The following PCDH15 variants were observed in gnomAD, a reference collection of about 807,000 sequenced individuals.
PCDH15 encodes the protein protocadherin related 15.
Under a neutral mutation model 178.5 loss-of-function variants are expected in PCDH15, and 129 were observed. That is an observed-to-expected ratio of 0.72 (90% confidence interval 0.63 to 0.84). The LOEUF (loss-of-function observed/expected upper bound fraction) is 0.84, where lower values mean the gene tolerates loss of function less well. Ranked by LOEUF, PCDH15 falls within the 40% of genes least tolerant of loss-of-function variation. The pLI is 0.00. For missense variants in PCDH15, 2,230 were observed against 2,099.9 expected (o/e 1.06, Z -1.21); for synonymous variants, 800 against 732.0 (o/e 1.09, Z -1.50).
intron 21 of PCDH15, among the ~76,000 whole-genome samples, chr10:53,974,128 G>A (rs553057930): frequency 3.3e-5 from 5 of 151,966 alleles, no homozygotes; most frequent in African/African-American, 9.7e-5. Context: ...AATGATTCTC[G>A]TTCCTTAGCC....
chr10:55,486,896 C>G (rs1274059664), intron 2 of PCDH15, among the ~76,000 whole-genome samples: 2 of 151,532 alleles, frequency 1.3e-5, no homozygotes, highest in African/African-American at 4.8e-5. Context: ...TACTATGTAT[C>G]AAGAACCAAT....
chr10:53,882,653 G>A (rs777537267), intron 26 of PCDH15, among the ~76,000 whole-genome samples: 7 of 152,082 alleles, frequency 4.6e-5, no homozygotes, highest in Non-Finnish European at 8.8e-5. Context: ...GTGAGCCACC[G>A]TGCCTGACCC....
At chr10:54,938,089 A>G (rs938661714) in intron 2 of PCDH15, among the ~76,000 whole-genome samples, 1 of 152,060 alleles carries the variant, frequency 6.6e-6, no homozygotes, top group African/African-American at 2.4e-5. Flanking sequence ...TGCTTCATCT[A>G]TTAAGATGGT....
chr10:55,583,965 C>T (rs892450327), intron 2 of PCDH15, among the ~76,000 whole-genome samples: 5 of 152,024 alleles, frequency 3.3e-5, no homozygotes, highest in Non-Finnish European at 7.4e-5. Context: ...GCAGCCTCCA[C>T]CTCCCAGGCT....
intron 2 of PCDH15, among the ~76,000 whole-genome samples, chr10:54,638,265 T>A (rs1390337853): frequency 6.6e-6 from 1 of 152,240 alleles, no homozygotes; most frequent in Admixed American, 6.6e-5. Flanking sequence ...AGAGAAAGTA[T>A]GTATTTTACC....
rs1013891999 is a variant in PCDH15, at chr10:55,541,362, A to AT, written c.-156+86262dup. On this transcript the variant is annotated intron_variant, in intron 2 of 5. Transcript: ENST00000613346. ...TTATACCCAGTACTCTTATAATCAT[A>AT]TTAAAACTTTTCTTAATGAAGAAAG... Among the ~76,000 whole-genome samples the AT allele has an allele frequency of 4.8e-4, 73 of 151,968 alleles. 1 individual carries two copies. The highest frequency in any genetic ancestry group is 1.3e-4 in the Admixed American group (2 of 15,212).
chr10:55,207,346 G>T (rs1399372117), intron 1 of PCDH15, among the ~76,000 whole-genome samples: 1 of 151,982 alleles, frequency 6.6e-6, no homozygotes, highest in Non-Finnish European at 1.5e-5. Flanking sequence ...TAAACCTCAA[G>T]AGTATTCCCT....
intron 2 of PCDH15, among the ~76,000 whole-genome samples, chr10:55,591,329 G>T (rs1334927404): frequency 6.6e-6 from 1 of 152,042 alleles, no homozygotes; most frequent in African/African-American, 2.4e-5. Flanking sequence ...AAGTTACTCT[G>T]GAGGCTGAGG....
intron 2 of PCDH15, among the ~76,000 whole-genome samples, chr10:54,932,992 T>G (rs1408878012): frequency 6.6e-6 from 1 of 152,198 alleles, no homozygotes; most frequent in Non-Finnish European, 1.5e-5. Context: ...TTTTATCATT[T>G]ATATTTTTAC....
At chr10:54,842,097 T>C (rs1462772280) in intron 3 of PCDH15, among the ~76,000 whole-genome samples, 2 of 151,856 alleles carry the variant, frequency 1.3e-5, no homozygotes, top group Non-Finnish European at 1.5e-5. Context: ...TATTCTCTTA[T>C]GTAACTACAA....
intron 2 of PCDH15, among the ~76,000 whole-genome samples, chr10:55,044,467 T>G (rs552009117): frequency 4.5e-4 from 69 of 152,228 alleles, no homozygotes; most frequent in Non-Finnish European, 8.4e-4. Context: ...GTTAGTTCAT[T>G]TTAGCCTAGC....
At chr10:54,958,867 A>G (rs1838566027) in intron 2 of PCDH15, among the ~76,000 whole-genome samples, 1 of 151,904 alleles carries the variant, frequency 6.6e-6, no homozygotes. Flanking sequence ...GCATATTAAA[A>G]TGACACCTAT....
At chr10:55,294,894 T>C (rs1365729013) in intron 1 of PCDH15, among the ~76,000 whole-genome samples, 2 of 152,204 alleles carry the variant, frequency 1.3e-5, no homozygotes, top group Non-Finnish European at 2.9e-5. Context: ...AAATTCATTA[T>C]ATTTTTCCGT....
intron 1 of PCDH15, among the ~76,000 whole-genome samples, chr10:54,799,005 TTAC>T (rs1165457752): frequency 6.6e-6 from 1 of 152,130 alleles, no homozygotes; most frequent in Admixed American, 6.6e-5. Context: ...GTTTTACATT[TTAC>T]TATTTTGAGA....
At chr10:55,094,633 G>C (rs1489043081) in intron 2 of PCDH15, among the ~76,000 whole-genome samples, 1 of 151,888 alleles carries the variant, frequency 6.6e-6, no homozygotes, top group Non-Finnish European at 1.5e-5. Flanking sequence ...TAAGATGAAG[G>C]CTTATACATA....
At chr10:54,210,496 G>A (rs2051310373) in intron 10 of PCDH15, among the ~76,000 whole-genome samples, 1 of 151,978 alleles carries the variant, frequency 6.6e-6, no homozygotes, top group South Asian at 2.1e-4. Flanking sequence ...GAGTAATTGG[G>A]GCCACTTTAG....
At chr10:53,984,679 T>C (rs995716105) in intron 21 of PCDH15, among the ~76,000 whole-genome samples, 3 of 152,218 alleles carry the variant, frequency 2.0e-5, no homozygotes, top group African/African-American at 7.2e-5. Flanking sequence ...AACATTATCA[T>C]TGATGGATCT....
chr10:55,043,740 A>AAATAAAT lies in PCDH15; in HGVS notation c.-80+122835_-80+122836insATTTATT, dbSNP rs71014442. ...AAAATAAATAAATAAATAAATAAAT[A>AAATAAAT]AAATAAATAAATAAATAAAAGATTA... On this transcript the variant is annotated intron_variant, in intron 2 of 5. Coordinates refer to the PCDH15 transcript ENST00000458638. Among the ~76,000 whole-genome samples, 924 of 143,018 alleles carry AAATAAAT rather than the reference A, an allele frequency of 6.5e-3. 12 individuals carry two copies. The highest frequency in any genetic ancestry group is 0.014 in the African/African-American group (543 of 39,084). The allele number at this position is 143,018 out of a possible 152,430, so 93.8% of individuals were successfully genotyped here.
chr10:55,421,498 C>G (rs1838621122), intron 2 of PCDH15, among the ~76,000 whole-genome samples: 1 of 147,924 alleles, frequency 6.8e-6, no homozygotes, highest in Non-Finnish European at 1.5e-5. Flanking sequence ...AAGAGAAAAT[C>G]ATTTCATATA....
Sources: gnomAD v4.1 joint callset for allele counts (sites outside exome capture counted in the v4.1 genomes callset) on GRCh38, gnomAD v4.1.1 for gene constraint, MANE v1.5 for transcripts, NCBI Gene and HGNC (gene_info 2026-07-23, HGNC 2026-07-21) for gene names.